Variants in TBC1D4 observed in about 807,000 individuals in gnomAD.
TBC1D4 encodes the protein TBC (Tre-2, BUB2, CDC16) domain-containing protein.
Under a neutral mutation model 142.5 loss-of-function variants are expected in TBC1D4, and 121 were observed. That is an observed-to-expected ratio of 0.85 (90% CI 0.73 to 0.99). The LOEUF is 0.99. TBC1D4 is among the 50% of genes least tolerant of loss of function. The probability of loss-of-function intolerance (pLI) is 0.00; values close to 1 mark genes in which losing one functional copy is unlikely to be tolerated. For synonymous variants in TBC1D4, 630 were observed against 628.2 expected (o/e 1.00, Z -0.04); for missense variants, 1,475 against 1,606.6 (o/e 0.92, Z 1.40).
In TBC1D4 at chr13:75,284,267, C is replaced by T. The variant is rs1037959126; in HGVS notation, c.*2525G>A. On this transcript the variant is annotated 3_prime_UTR_variant, in exon 21 of 21. Transcript: ENST00000377636. ...CAATGATTCAAGCACATTTATTGTG[C>T]ACTTTATTTCTATTATTATTATTAT... Among the ~76,000 whole-genome samples the T allele has an allele frequency of 1.3e-5, 2 of 152,076 alleles. No individual in the cohort carries two copies. Among genetic ancestry groups the T allele is most frequent in the African/African-American group, 4.8e-5 (2 of 41,400 alleles).
At chr13:75,385,054 A>G (rs1331816912) in intron 1 of TBC1D4, among the ~76,000 whole-genome samples, 1 of 152,198 alleles carries the variant, frequency 6.6e-6, no homozygotes, top group Non-Finnish European at 1.5e-5. Flanking sequence ...AAAGAGGAAC[A>G]AAGCATAGAC....
intron 17 of TBC1D4, among the ~76,000 whole-genome samples, chr13:75,296,285 G>C (rs1352414234): frequency 6.6e-6 from 1 of 151,494 alleles, no homozygotes; most frequent in African/African-American, 2.4e-5. Context: ...TTACATCGTA[G>C]AAACGAGAAA....
rs760407055 is a variant in TBC1D4 at position 75,362,082 on chromosome 13, C to A, written c.1024G>T (p.Ala342Ser). The A allele has an allele frequency of 6.2e-7, 1 of 1,614,072 alleles. No individual in the cohort carries two copies. Among genetic ancestry groups the A allele is most frequent in the Non-Finnish European group, 8.5e-7 (1 of 1,180,034 alleles). The change falls in exon 2 of 21, where the codon GCA becomes TCA. Residue 342 changes from alanine (A) to serine (S), a missense_variant. By Grantham distance (99) the Ala-to-Ser change is moderately conservative. Around this residue, in one of 2 missense-constraint regions of TBC1D4, gnomAD observed 1,227 missense variants for 1,267.7 expected, o/e 0.97. Transcript: ENST00000377636. This position sits in a 1 kb window ranked among gnomAD's most constrained non-coding sequence, Gnocchi z 4.2. ...TCCGAGGGCTGGACGTGACTGGGTG[C>A]GCTCGCGTGTCTCCGTCGCGGCTGG... ...KSQPRRRHAS[A>S]PSHVQPSDSE...
rs1428727488 is a variant in TBC1D4 at position 75,285,219 on chromosome 13, G to A, written c.*1573C>T. ...TAACAAGTCATTATATACACACTGG[G>A]TAACAGTGCGGAGGGGGTTTCAGAT... is the stretch of plus-strand genomic sequence containing the variant. On this transcript the variant is annotated 3_prime_UTR_variant, in exon 21 of 21. Transcript: ENST00000377636. 6.6e-6 allele frequency: 1 copy of A among 152,166 alleles called. No individual in the cohort carries two copies. Among genetic ancestry groups the A allele is most frequent in the Non-Finnish European group, 1.5e-5 (1 of 68,028 alleles). 9.4% of individuals were successfully genotyped at this position (152,166 alleles called of 1,614,324 possible).
intron 13 of TBC1D4, among the ~76,000 whole-genome samples, chr13:75,312,266 T>C (rs139930319): frequency 8.7e-4 from 133 of 152,136 alleles, no homozygotes; most frequent in African/African-American, 3.0e-3. Context: ...GTGGCTCTTA[T>C]AAAAGGCTAT....
At chr13:75,298,079 C>CA (rs1429012850) in intron 17 of TBC1D4, among the ~76,000 whole-genome samples, 1 of 144,500 alleles carries the variant, frequency 6.9e-6, no homozygotes, top group Non-Finnish European at 1.5e-5. Flanking sequence ...ATATTAAAGG[C>CA]AAAAAACTCA....
chr13:75,384,490 C>G (rs944151515), intron 1 of TBC1D4, among the ~76,000 whole-genome samples: 2 of 151,598 alleles, frequency 1.3e-5, no homozygotes, highest in African/African-American at 4.9e-5. Context: ...GCACTACATC[C>G]AGTCAACCTG....
intron 8 of TBC1D4, among the ~76,000 whole-genome samples, chr13:75,333,162 T>A (rs1879900595): frequency 6.6e-6 from 1 of 152,188 alleles, no homozygotes; most frequent in Non-Finnish European, 1.5e-5. Flanking sequence ...AAATTTTTCT[T>A]TGTGTATTAA....
rs138222129 is a variant in TBC1D4 at position 75,284,089 on chromosome 13, C to A, written c.*2703G>T. Among the ~76,000 whole-genome samples the A allele has an allele frequency of 6.6e-6, 1 of 151,998 alleles. No individual in the cohort carries two copies. The highest frequency in any genetic ancestry group is 1.5e-5 in the Non-Finnish European group (1 of 68,016). ...CTGAGATTACAGATGCACACCACCA[C>A]GCCTGGCTAATTTTTGTATTTTCCC... On this transcript the variant is annotated 3_prime_UTR_variant, in exon 21 of 21. Coordinates refer to ENST00000377636, the MANE Select transcript of TBC1D4 (RefSeq NM_014832.5).
At chr13:75,337,185 T>C in intron 7 of TBC1D4, 145 bp from the exon 8 acceptor site, 1 of 711,650 alleles carries the variant, frequency 1.4e-6, no homozygotes, top group African/African-American at 1.8e-5. Context: ...GGTCCCACAC[T>C]GTGAACATAA....
chr13:75,481,152 G>T, intron 1 of TBC1D4, 118 bp downstream of exon 1: 1 of 1,413,782 alleles, frequency 7.1e-7, no homozygotes, highest in African/African-American at 1.4e-5. Flanking sequence ...CACGTGGAGC[G>T]CGCGCGCCTG....
At chr13:75,425,070 G>T (rs1209312647) in intron 1 of TBC1D4, among the ~76,000 whole-genome samples, 1 of 151,756 alleles carries the variant, frequency 6.6e-6, no homozygotes, top group Non-Finnish European at 1.5e-5. Flanking sequence ...CTATGAAAAA[G>T]GAGAAAATAT....
chr13:75,366,452 G>A (rs80299755), intron 1 of TBC1D4, among the ~76,000 whole-genome samples: 1 of 152,024 alleles, frequency 6.6e-6, no homozygotes, highest in Non-Finnish European at 1.5e-5. Flanking sequence ...TCAAGAGAGG[G>A]AAAAATCACC....
At chr13:75,341,272 C>T (rs1880678188) in intron 6 of TBC1D4, 37 bp from the exon 7 acceptor site, 1 of 1,545,516 alleles carries the variant, frequency 6.5e-7, no homozygotes. Flanking sequence ...ACTATGGCAA[C>T]ACCACTTCCC....
At chr13:75,361,000 T>C (rs1882456701) in intron 2 of TBC1D4, among the ~76,000 whole-genome samples, 1 of 152,216 alleles carries the variant, frequency 6.6e-6, no homozygotes, top group African/African-American at 2.4e-5. Context: ...ACTCTTTTCT[T>C]TCCCCCCAAG....
intron 1 of TBC1D4, among the ~76,000 whole-genome samples, chr13:75,448,568 CAA>C (rs550307669): frequency 5.3e-5 from 4 of 74,984 alleles, no homozygotes; most frequent in Non-Finnish European, 1.1e-4. Flanking sequence ...AACTCCGTCT[CAA>C]AAAAAAAAAA....
chr13:75,439,309 T>C (rs535205586), intron 1 of TBC1D4, among the ~76,000 whole-genome samples: 3 of 152,332 alleles, frequency 2.0e-5, no homozygotes, highest in East Asian at 3.9e-4. Context: ...CCAAGTGTTG[T>C]GATAAAATTC....
chr13:75,395,511 T>C (rs910947996), intron 1 of TBC1D4, among the ~76,000 whole-genome samples: 29 of 152,200 alleles, frequency 1.9e-4, no homozygotes, highest in Admixed American at 2.6e-4. Context: ...AATCATAGTT[T>C]ATGAAGTTCA....
chr13:75,325,609 T>TTTTAAATA (rs1879164665), intron 10 of TBC1D4, among the ~76,000 whole-genome samples: 1 of 152,228 alleles, frequency 6.6e-6, no homozygotes, highest in African/African-American at 2.4e-5. Context: ...TTAAATTATG[T>TTTTAAATA]TTTAAATACT....
Sources: allele counts gnomAD v4.1 joint callset (sites outside exome capture counted in the v4.1 genomes callset), GRCh38; gene constraint gnomAD v4.1.1; regional missense constraint gnomAD v4.1.1; non-coding constraint Gnocchi (gnomAD v3.1); transcripts MANE v1.5; gene names NCBI Gene and HGNC (gene_info 2026-07-23, HGNC 2026-07-21).